RYR2: variants seen among roughly 807,000 people sequenced by gnomAD.
RYR2 encodes cardiac muscle ryanodine receptor-calcium release channel.
In RYR2, 227 loss-of-function variants were observed where a neutral mutation model predicts 601.1. That is an observed-to-expected ratio of 0.38 (90% confidence interval 0.34 to 0.42). The LOEUF (loss-of-function observed/expected upper bound fraction) is 0.42. Ranked by LOEUF, RYR2 falls within the 10% of genes least tolerant of loss-of-function variation. The pLI, the probability that RYR2 is intolerant of heterozygous loss-of-function variation, is 1.00. For synonymous variants in RYR2, 2,223 were observed against 2,175.1 expected (o/e 1.02, Z -0.61); for missense variants, 4,646 against 6,156.5 (o/e 0.75, Z 8.21).
intron 1 of RYR2, among the ~76,000 whole-genome samples, chr1:237,096,976 T>C (rs1050913362): frequency 6.6e-6 from 1 of 152,248 alleles, no homozygotes; most frequent in African/African-American, 2.4e-5. Flanking sequence ...AGCTGTGCAG[T>C]CGCCCATGTG....
At chr1:237,117,655 CCTCTTCTCTTCTCTTCCTTCTCTT>C (rs1670236989) in intron 1 of RYR2, among the ~76,000 whole-genome samples, 8 of 132,274 alleles carry the variant, frequency 6.0e-5, no homozygotes, top group Admixed American at 4.7e-4. Context: ...TCTCTTTTCT[CCTCTTCTCTTCTCTTCCTTCTCTT>C]CTCTTCTCTT....
intron 1 of RYR2, among the ~76,000 whole-genome samples, chr1:237,091,705 G>T (rs1424033028): frequency 1.3e-5 from 2 of 152,194 alleles, no homozygotes; most frequent in Admixed American, 6.5e-5. Flanking sequence ...GATTACAGGC[G>T]TGAGCCACTG....
chr1:237,605,012 A>T (rs1676949885), intron 35 of RYR2, among the ~76,000 whole-genome samples: 1 of 152,176 alleles, frequency 6.6e-6, no homozygotes, highest in Admixed American at 6.5e-5. Context: ...AGCTGGTACC[A>T]TTCCTTCTGA....
intron 3 of RYR2, among the ~76,000 whole-genome samples, chr1:237,354,671 C>T (rs1050592552): frequency 7.9e-5 from 12 of 151,834 alleles, no homozygotes; most frequent in Admixed American, 2.6e-4. Context: ...TTCATCACTC[C>T]GATAAGTTAA....
rs533068485 is a variant in RYR2 at position 237,648,595 on chromosome 1, G to A, written c.7494G>A (p.Ala2498=). 2.2e-5 allele frequency: 36 copies of A among 1,609,648 alleles called. No homozygotes were observed. In the Middle Eastern group the frequency reaches 8.3e-4, roughly 37 times the overall value. The change falls in exon 49 of 105, where the codon GCG becomes GCA. Residue 2498 remains alanine, a synonymous_variant. Coordinates refer to ENST00000366574, the MANE Select transcript of RYR2 (RefSeq NM_001035.3). ...LEVGFLPDLR[A]AASLDTAALS... Reference sequence around the variant, plus strand: ...TTGGCTTTCTGCCAGATCTCCGGGCGGCTGCTTCTTTAGATACGGTGAGAT... The same window carrying A: ...TTGGCTTTCTGCCAGATCTCCGGGCAGCTGCTTCTTTAGATACGGTGAGAT...
At chr1:237,709,694 CCTT>C (rs1688673106) in intron 70 of RYR2, 127 bp downstream of exon 70, 3 of 510,916 alleles carry the variant, frequency 5.9e-6, no homozygotes, top group South Asian at 8.6e-5. Context: ...GGAATATAAA[CCTT>C]CTTCTGAGTT....
At chr1:237,510,461 G>T (rs909441661) in intron 23 of RYR2, among the ~76,000 whole-genome samples, 1 of 152,184 alleles carries the variant, frequency 6.6e-6, no homozygotes, top group South Asian at 2.1e-4. Flanking sequence ...TAGAGATTTA[G>T]AGTTTAGAAT....
At position 237,687,459 on chromosome 1, in the gene RYR2, T is replaced by G; in HGVS notation, c.9022T>G (p.Phe3008Val). Residue 3008 changes from phenylalanine to valine, a missense_variant, in exon 63 of 105, where the codon TTC (phenylalanine) becomes GTC (valine). Coordinates refer to ENST00000366574, the MANE Select transcript of RYR2 (RefSeq NM_001035.3). ...NKEKEMVTSLFCKLGVLVRHR... is the reference protein window; with the variant it reads ...NKEKEMVTSLVCKLGVLVRHR... ...TTGTTTTTCTTTTGTCTTCAGCCTA[T>G]TCTGCAAACTTGGAGTTCTTGTCAG... 1.9e-6 allele frequency: 3 copies of G among 1,589,862 alleles called. No homozygotes were observed. The highest frequency in any genetic ancestry group is 2.6e-6 in the Non-Finnish European group (3 of 1,163,052).
intron 1 of RYR2, among the ~76,000 whole-genome samples, chr1:237,183,066 C>G (rs867491429): frequency 5.3e-5 from 8 of 152,102 alleles, no homozygotes; most frequent in Middle Eastern, 3.2e-3. Flanking sequence ...CTTTGCCAAC[C>G]CGATCCTGAC....
intron 2 of RYR2, among the ~76,000 whole-genome samples, chr1:237,274,666 G>C (rs1484987313): frequency 6.6e-6 from 1 of 152,096 alleles, no homozygotes; most frequent in Admixed American, 6.6e-5. Context: ...AGTGTCCTAG[G>C]CCTTCACATT....
chr1:237,442,815 C>G (rs538177276), intron 13 of RYR2, among the ~76,000 whole-genome samples: 13 of 152,130 alleles, frequency 8.5e-5, no homozygotes, highest in Non-Finnish European at 1.5e-4. Flanking sequence ...TAAGGCTGTG[C>G]TGTCCAAATC....
intron 87 of RYR2, among the ~76,000 whole-genome samples, chr1:237,774,245 G>A (rs1694484996): frequency 6.6e-6 from 1 of 151,908 alleles, no homozygotes; most frequent in Non-Finnish European, 1.5e-5. Flanking sequence ...TTGTCTCAGT[G>A]GACATGTTAC....
intron 1 of RYR2, among the ~76,000 whole-genome samples, chr1:237,158,371 C>T (rs1306522606): frequency 1.3e-5 from 2 of 152,088 alleles, no homozygotes; most frequent in Admixed American, 6.6e-5. Context: ...ACAAGATAAG[C>T]GTCTGGAAGA....
At chr1:237,054,148 G>GC (rs1661642882) in intron 1 of RYR2, among the ~76,000 whole-genome samples, 2 of 152,098 alleles carry the variant, frequency 1.3e-5, no homozygotes, top group East Asian at 3.9e-4. Flanking sequence ...AGATGCCAAA[G>GC]CCCTTCTTTC....
chr1:237,805,234 A>C (rs967570614), intron 98 of RYR2, among the ~76,000 whole-genome samples: 1 of 152,180 alleles, frequency 6.6e-6, no homozygotes, highest in African/African-American at 2.4e-5. Flanking sequence ...GAACAAATTA[A>C]GTAAAAATAA....
intron 92 of RYR2, among the ~76,000 whole-genome samples, chr1:237,788,815 CTCTA>C (rs1657973551): frequency 6.6e-6 from 1 of 151,148 alleles, no homozygotes; most frequent in Admixed American, 6.6e-5. Context: ...GTATAGCTCT[CTCTA>C]TGTCTATTCA....
At chr1:237,657,175 G>C (rs973917990) in intron 53 of RYR2, among the ~76,000 whole-genome samples, 1 of 152,050 alleles carries the variant, frequency 6.6e-6, no homozygotes, top group Non-Finnish European at 1.5e-5. Context: ...AGACGATTAC[G>C]ATTTTTTATA....
At chr1:237,701,038 G>C (rs894198926) in intron 65 of RYR2, among the ~76,000 whole-genome samples, 1 of 152,132 alleles carries the variant, frequency 6.6e-6, no homozygotes, top group African/African-American at 2.4e-5. Context: ...AAGATTACGT[G>C]GAAAAAATAC....
chr1:237,660,248 T>C (rs1482866449), intron 55 of RYR2, among the ~76,000 whole-genome samples, 174 bp downstream of exon 55: 1 of 152,058 alleles, frequency 6.6e-6, no homozygotes, highest in African/African-American at 2.4e-5. Flanking sequence ...TCCTCTCAAT[T>C]CTTAATTTCT....
Sources: allele counts gnomAD v4.1 joint callset (sites outside exome capture counted in the v4.1 genomes callset), GRCh38; gene constraint gnomAD v4.1.1; transcripts MANE v1.5; gene names NCBI Gene and HGNC (gene_info 2026-07-23, HGNC 2026-07-21).